Variants in NSMCE4A observed in about 807,000 individuals in gnomAD.
NSMCE4A encodes NSE4A component of SMC5/6 complex, also known as non-structural maintenance of chromosomes element 4 homolog A.
In NSMCE4A, 40 loss-of-function variants were observed where a neutral mutation model predicts 47.9. The ratio of observed to expected loss-of-function variants is 0.83; its 90% confidence interval spans 0.65 to 1.09. The LOEUF (loss-of-function observed/expected upper bound fraction) is 1.09, where lower values mean the gene tolerates loss of function less well. NSMCE4A is among the 50% of genes least tolerant of loss of function. The probability of loss-of-function intolerance (pLI) is 0.00; values close to 1 mark genes in which losing one functional copy is unlikely to be tolerated. For synonymous variants in NSMCE4A, 166 were observed against 178.5 expected (o/e 0.93, Z 0.56); for missense variants, 500 against 507.0 (o/e 0.99, Z 0.13).
At chr10:121,974,463 C>G (rs976188632) in intron 1 of NSMCE4A, 1 of 1,010,416 alleles carries the variant, frequency 9.9e-7, no homozygotes, top group Non-Finnish European at 1.2e-6. Flanking sequence ...CGGGTGGGGT[C>G]CGAGAACGTG....
chr10:121,957,856 T>C (rs1456661664), intron 10 of NSMCE4A, among the ~76,000 whole-genome samples: 1 of 152,024 alleles, frequency 6.6e-6, no homozygotes, highest in Non-Finnish European at 1.5e-5. Flanking sequence ...ATCAGAAAAT[T>C]TGAGCTAGAA....
Position 121,974,205 on chromosome 10 carries a change from A to G in NSMCE4A, c.293-124T>C, listed in dbSNP as rs1195336829. ...CCTGCGCTCTGAGTAATTACTTCGA[A>G]CATCTTTATCTTTTTAACCAAAATG... On this transcript the variant is annotated intron_variant, in intron 1 of 10. Coordinates refer to ENST00000369023, the MANE Select transcript of NSMCE4A (RefSeq NM_017615.3). 1.3e-5 allele frequency: 18 copies of G among 1,372,900 alleles called. No individual in the cohort carries two copies. In the African/African-American group the frequency reaches 2.5e-4, roughly 19 times the overall value. 85.0% of individuals were successfully genotyped at this position (1,372,900 alleles called of 1,614,324 possible).
intron 3 of NSMCE4A, among the ~76,000 whole-genome samples, chr10:121,969,223 T>C (rs1217834047): frequency 6.6e-6 from 1 of 152,068 alleles, no homozygotes; most frequent in African/African-American, 2.4e-5. Flanking sequence ...TAATGCCAGC[T>C]TCTTGGGAGG....
intron 3 of NSMCE4A, among the ~76,000 whole-genome samples, chr10:121,970,646 C>G (rs1342240939): frequency 6.6e-6 from 1 of 152,044 alleles, no homozygotes. Flanking sequence ...TCTGAGGTCA[C>G]TGAGAATGAT....
intron 1 of NSMCE4A, chr10:121,974,373 T>C (rs1366712496): frequency 8.7e-7 from 1 of 1,147,282 alleles, no homozygotes; most frequent in Non-Finnish European, 1.1e-6. Context: ...TTCTCAAACT[T>C]TGCAAGCAAT....
chr10:121,959,176 C>T (rs1952453305), intron 10 of NSMCE4A, 148 bp downstream of exon 10: 4 of 706,138 alleles, frequency 5.7e-6, no homozygotes, highest in Non-Finnish European at 1.0e-5. Context: ...GAACCACTAT[C>T]CCTTTCTCAC....
intron 1 of NSMCE4A, 175 bp downstream of exon 1, chr10:121,974,699 G>A (rs931869277): frequency 1.4e-5 from 16 of 1,121,324 alleles, no homozygotes; most frequent in Non-Finnish European, 1.7e-5. Context: ...CCACAAAGTG[G>A]GAGCACTTTG....
intron 2 of NSMCE4A, among the ~76,000 whole-genome samples, chr10:121,973,010 G>A (rs575422658): frequency 2.6e-5 from 4 of 152,324 alleles, no homozygotes; most frequent in South Asian, 2.1e-4. Context: ...GCGGAGGCAG[G>A]TGGATTACCT....
chr10:121,962,123 A>G, intron 6 of NSMCE4A: 1 of 399,936 alleles, frequency 2.5e-6, no homozygotes, highest in Middle Eastern at 6.5e-4. Flanking sequence ...AAAAAAAAAA[A>G]AAAATAGGAA....
At chr10:121,962,200 C>CTT in intron 6 of NSMCE4A, 1 of 305,184 alleles carries the variant, frequency 3.3e-6, no homozygotes. Flanking sequence ...GGGTGGATCA[C>CTT]AAGGTCAGGA....
intron 3 of NSMCE4A, among the ~76,000 whole-genome samples, 160 bp from the exon 4 acceptor site, chr10:121,967,966 CAGTT>C (rs987621203): frequency 3.9e-5 from 6 of 152,228 alleles, no homozygotes; most frequent in African/African-American, 1.4e-4. Context: ...GATAACTTTA[CAGTT>C]AAAGTCCTGC....
chr10:121,968,207 A>G (rs1952642931), intron 3 of NSMCE4A, among the ~76,000 whole-genome samples: 1 of 152,138 alleles, frequency 6.6e-6, no homozygotes, highest in South Asian at 2.1e-4. Context: ...ATGCACAGTA[A>G]CAGCCCCCAA....
At chr10:121,961,561 TA>T in intron 6 of NSMCE4A, 44 bp from the exon 7 acceptor site, 1 of 1,174,636 alleles carries the variant, frequency 8.5e-7, no homozygotes, top group Admixed American at 2.7e-5. Context: ...TGCTTGTCAT[TA>T]ATATCAGTAC....
chr10:121,959,523 G>A lies in NSMCE4A; in HGVS notation c.1061C>T (p.Ala354Val), dbSNP rs1462518718. The A allele has an allele frequency of 1.2e-6, 2 of 1,613,904 alleles. No homozygotes were observed. The highest frequency in any genetic ancestry group is 1.3e-5 in the African/African-American group (1 of 74,896). ...TACCTCCCAGTCACGGTAACTCAAA[G>A]CTATAATTCCTTGATTTCTAACTTG... is the stretch of plus-strand genomic sequence containing the variant. ...NTQVRNQGIIALSYRDWEEIV... is the reference protein window; with the variant it reads ...NTQVRNQGIIVLSYRDWEEIV... Residue 354 changes from alanine (A) to valine (V), a missense_variant, in exon 9 of 11, where the codon GCT (alanine) becomes GTT (valine). Ala to Val is a moderately conservative substitution (Grantham distance 64, BLOSUM62 0). Transcript: ENST00000369023.
chr10:121,974,848 CGCGCCGCCCGGAG>C lies in NSMCE4A; in HGVS notation c.292+13_292+25del, dbSNP rs920620281. 1.5e-5 allele frequency: 22 copies of C among 1,439,436 alleles called. No homozygotes were observed. Among genetic ancestry groups the C allele is most frequent in the African/African-American group, 8.9e-5 (6 of 67,424 alleles). The allele number at this position is 1,439,436 out of a possible 1,614,324, so 89.2% of individuals were successfully genotyped here. A position where few individuals can be genotyped will look rare whatever the true frequency, so the allele number is the denominator to read the frequency against. The stretch of plus-strand genomic sequence containing the variant: ...GCGGGGACAGCGGCCCGTCCGGGCC[CGCGCCGCCCGGAG>C]GCGCCGCCTTACGTTGGACGGAGTT... On this transcript the variant is annotated intron_variant, in intron 1 of 10. Transcript: ENST00000369023.
chr10:121,973,057 C>T (rs998880948), intron 2 of NSMCE4A, among the ~76,000 whole-genome samples: 5 of 151,970 alleles, frequency 3.3e-5, no homozygotes, highest in East Asian at 1.9e-4. Flanking sequence ...GCCAACATGG[C>T]GAAACCCGTC....
rs1475840366 is a variant in NSMCE4A, at chr10:121,963,345, T to C, written c.754-17A>G. The C allele has an allele frequency of 1.3e-6, 2 of 1,485,416 alleles. No homozygotes were observed. The highest frequency in any genetic ancestry group is 2.3e-5 in the East Asian group (1 of 44,346). The allele number at this position is 1,485,416 out of a possible 1,614,324, so 92.0% of individuals were successfully genotyped here. On this transcript the variant is annotated splice_polypyrimidine_tract_variant and intron_variant, in intron 5 of 10. Transcript: ENST00000369023. The stretch of plus-strand genomic sequence containing the variant: ...TCTTCTTAACTGAAAAAAGTCATTA[T>C]CAAGCTGACAGACCTACTTACTGGC...
intron 2 of NSMCE4A, among the ~76,000 whole-genome samples, chr10:121,972,580 A>G (rs1459229031): frequency 4.6e-5 from 7 of 152,200 alleles, no homozygotes; most frequent in African/African-American, 1.7e-4. Flanking sequence ...ATTGCTTTAA[A>G]TACTGGAAAT....
intron 5 of NSMCE4A, among the ~76,000 whole-genome samples, chr10:121,963,903 C>A (rs1028082569): frequency 4.7e-5 from 7 of 150,258 alleles, no homozygotes; most frequent in Admixed American, 1.3e-4. Context: ...TCGAGACCAG[C>A]CTGGCCATTA....
Sources: gnomAD v4.1 joint callset for allele counts (sites outside exome capture counted in the v4.1 genomes callset) on GRCh38, gnomAD v4.1.1 for gene constraint, MANE v1.5 for transcripts, NCBI Gene and HGNC (gene_info 2026-07-23, HGNC 2026-07-21) for gene names.